The following PKD1L1 variants were observed in gnomAD, a reference collection of about 807,000 sequenced individuals.
PKD1L1 encodes polycystin 1 like 1, transient receptor potential channel interacting.
PKD1L1 carries 236 observed loss-of-function variants against 323.4 expected under a neutral mutation model. The observed-to-expected ratio is 0.73, with a 90% CI of 0.66 to 0.81. PKD1L1 has a LOEUF of 0.81. PKD1L1 is among the 40% of genes least tolerant of loss of function. PKD1L1 has a pLI of 0.00. For missense variants in PKD1L1, 3,320 were observed against 3,508.0 expected (o/e 0.95, Z 1.35); for synonymous variants, 1,344 against 1,335.0 (o/e 1.01, Z -0.15).
intron 56 of PKD1L1, among the ~76,000 whole-genome samples, chr7:47,781,122 G>A (rs891153270): frequency 6.6e-6 from 1 of 152,040 alleles, no homozygotes; most frequent in Non-Finnish European, 1.5e-5. Context: ...TATCATTATG[G>A]TCTTAATTTC....
intron 36 of PKD1L1, among the ~76,000 whole-genome samples, chr7:47,837,523 C>T (rs192589761): frequency 6.1e-4 from 93 of 152,292 alleles, no homozygotes; most frequent in African/African-American, 1.9e-3. Context: ...TCACTCCCAG[C>T]CTCAGGAGAC....
intron 7 of PKD1L1, among the ~76,000 whole-genome samples, chr7:47,926,739 G>A (rs1040526224): frequency 2.0e-5 from 3 of 152,166 alleles, no homozygotes; most frequent in South Asian, 2.1e-4. Flanking sequence ...AATCACCTGA[G>A]GGCAGAGAGG....
chr7:47,846,780 G>A (rs1191878190), intron 32 of PKD1L1, 99 bp downstream of exon 32: 6 of 1,103,396 alleles, frequency 5.4e-6, no homozygotes, highest in Admixed American at 2.6e-5. Flanking sequence ...AGCTTCTTAT[G>A]GACAAGGTTC....
At chr7:47,935,485 G>A (rs2686821) in intron 4 of PKD1L1, among the ~76,000 whole-genome samples, 78,443 of 152,104 alleles carry the variant, frequency 0.52, 20,291 homozygotes, top group Admixed American at 0.53. Context: ...GCATCCAAGT[G>A]TCTGGGTCAC....
intron 47 of PKD1L1, 55 bp downstream of exon 47, chr7:47,815,279 C>A: frequency 6.3e-7 from 1 of 1,593,108 alleles, no homozygotes; most frequent in Admixed American, 1.7e-5. Context: ...GTTTCACCCA[C>A]TGCAAGATAG....
chr7:47,953,911 C>T, the PKD1L1 span, among the ~76,000 whole-genome samples: 3 of 152,226 alleles, frequency 2.0e-5, no homozygotes, highest in Admixed American at 2.0e-4. Flanking sequence ...TCTGTCTGGT[C>T]ATGTTTTTCT....
Position 47,946,064 on chromosome 7 carries a change from T to G in PKD1L1, c.44+2333A>C, listed in dbSNP as rs1212914432. Among the ~76,000 whole-genome samples the G allele has an allele frequency of 6.6e-6, 1 of 152,056 alleles. No individual in the cohort carries two copies. The highest frequency in any genetic ancestry group is 2.4e-5 in the African/African-American group (1 of 41,394). ...TAATTTAAATACAAGGGAGGCTCTT[T>G]TTCCTGGTGTTGTGAGGAGGCAGGT... On this transcript the variant is annotated intron_variant, in intron 1 of 56. Transcript: ENST00000289672. This position sits in a 1 kb window ranked among gnomAD's most constrained non-coding sequence, Gnocchi z 4.1.
At chr7:47,829,959 C>A in intron 43 of PKD1L1, 81 bp downstream of exon 43, 6 of 1,352,528 alleles carry the variant, frequency 4.4e-6, no homozygotes, top group Non-Finnish European at 6.3e-6. Flanking sequence ...CATACACAAC[C>A]AAAATGAAGC....
chr7:47,913,434 A>C (rs1478852407), intron 8 of PKD1L1, among the ~76,000 whole-genome samples: 1 of 152,136 alleles, frequency 6.6e-6, no homozygotes, highest in Non-Finnish European at 1.5e-5. Context: ...CCAGTATTGA[A>C]GGTTGGGCCT....
intron 21 of PKD1L1, among the ~76,000 whole-genome samples, chr7:47,879,624 CTT>C (rs1562969960): frequency 1.0e-5 from 1 of 96,210 alleles, no homozygotes. Context: ...CAGAGCAAGA[CTT>C]TGTCTCAAAA....
At chr7:47,895,867 G>C (rs559178944) in intron 14 of PKD1L1, among the ~76,000 whole-genome samples, 1 of 152,178 alleles carries the variant, frequency 6.6e-6, no homozygotes, top group Non-Finnish European at 1.5e-5. Context: ...TGGTTGTAGA[G>C]TTGTAATTGT....
chr7:47,813,594 C>T (rs776709356), intron 48 of PKD1L1: 8 of 667,678 alleles, frequency 1.2e-5, no homozygotes, highest in Non-Finnish European at 1.9e-5. Flanking sequence ...TCAGGGCATA[C>T]CCTCCCCATT....
At chr7:47,892,370 T>C (rs1309426253) in intron 15 of PKD1L1, among the ~76,000 whole-genome samples, 1 of 152,154 alleles carries the variant, frequency 6.6e-6, no homozygotes, top group East Asian at 1.9e-4. Context: ...CCAAACGGGC[T>C]GCACAGTGAG....
chr7:47,793,847 G>T (rs1193999934), intron 55 of PKD1L1, among the ~76,000 whole-genome samples: 1 of 152,188 alleles, frequency 6.6e-6, no homozygotes, highest in Non-Finnish European at 1.5e-5. Context: ...CCAGGCTGAG[G>T]TGGTCTCAGA....
At chr7:47,914,902 G>A (rs1279548236) in intron 8 of PKD1L1, among the ~76,000 whole-genome samples, 1 of 152,294 alleles carries the variant, frequency 6.6e-6, no homozygotes, top group African/African-American at 2.4e-5. Flanking sequence ...ACACAGGGCT[G>A]CAACTCCCTG....
chr7:47,885,277 C>A (rs1365906195), intron 18 of PKD1L1, among the ~76,000 whole-genome samples: 1 of 152,188 alleles, frequency 6.6e-6, no homozygotes, highest in Non-Finnish European at 1.5e-5. Context: ...GATGCCAGGT[C>A]AGAGCTTTTC....
intron 26 of PKD1L1, among the ~76,000 whole-genome samples, chr7:47,861,790 A>G (rs1157310213): frequency 6.8e-6 from 1 of 146,734 alleles, no homozygotes; most frequent in African/African-American, 2.5e-5. Flanking sequence ...CTGAGGCAGG[A>G]GAATGGCGTG....
rs1401207945 is a variant in PKD1L1 at position 47,905,840 on chromosome 7, T to C, written c.1522+3A>G. The C allele has an allele frequency of 7.4e-6, 12 of 1,611,502 alleles. No individual in the cohort carries two copies. Among genetic ancestry groups the C allele is most frequent in the African/African-American group, 4.0e-5 (3 of 74,724 alleles). ...TAAATCTGGAATTAAAACAAAGACA[T>C]ACATTGCATCTTATACCAGACAGTC... On this transcript the variant is annotated splice_donor_region_variant and intron_variant, in intron 10 of 56. Coordinates refer to ENST00000289672, the MANE Select transcript of PKD1L1 (RefSeq NM_138295.5).
chr7:47,924,307 C>G (rs1177107407), intron 7 of PKD1L1, among the ~76,000 whole-genome samples: 1 of 152,142 alleles, frequency 6.6e-6, no homozygotes, highest in African/African-American at 2.4e-5. Flanking sequence ...AGGAGCATCC[C>G]AAACTGTCTT....
Sources: allele counts gnomAD v4.1 joint callset (sites outside exome capture counted in the v4.1 genomes callset), GRCh38; gene constraint gnomAD v4.1.1; non-coding constraint Gnocchi (gnomAD v3.1); transcripts MANE v1.5; gene names NCBI Gene and HGNC (gene_info 2026-07-23, HGNC 2026-07-21).